The following NAALADL2 variants were observed in gnomAD, a reference collection of about 807,000 sequenced individuals.
The protein encoded by NAALADL2 is N-acetylated alpha-linked acidic dipeptidase like 2.
NAALADL2 carries 76 observed loss-of-function variants against 87.2 expected under a neutral mutation model. That is an observed-to-expected ratio of 0.87 (90% CI 0.72 to 1.05). The LOEUF (loss-of-function observed/expected upper bound fraction) is 1.05, where lower values mean the gene tolerates loss of function less well. NAALADL2 is among the 50% of genes least tolerant of loss of function. NAALADL2 has a pLI of 0.00. For missense variants in NAALADL2, 1,089 were observed against 945.8 expected (o/e 1.15, Z -1.99); for synonymous variants, 354 against 331.0 (o/e 1.07, Z -0.75).
At chr3:175,557,300 T>C (rs1715436075) in intron 9 of NAALADL2, among the ~76,000 whole-genome samples, 1 of 152,218 alleles carries the variant, frequency 6.6e-6, no homozygotes, top group Non-Finnish European at 1.5e-5. Flanking sequence ...ATTTATGGGT[T>C]ACATGAGATA....
intron 5 of NAALADL2, among the ~76,000 whole-genome samples, chr3:175,348,125 C>T (rs1763349065): frequency 6.6e-6 from 1 of 152,116 alleles, no homozygotes; most frequent in Non-Finnish European, 1.5e-5. Context: ...GATCTTGGCT[C>T]ACTGCAACCT....
chr3:175,415,228 ATTAC>A (rs1449906277), intron 5 of NAALADL2, among the ~76,000 whole-genome samples: 1 of 152,178 alleles, frequency 6.6e-6, no homozygotes, highest in African/African-American at 2.4e-5. Context: ...GGTTTTTGTC[ATTAC>A]TTTTGTGGCT....
intron 3 of NAALADL2, among the ~76,000 whole-genome samples, chr3:174,834,407 C>A (rs1465157041): frequency 6.7e-6 from 1 of 150,020 alleles, no homozygotes; most frequent in Non-Finnish European, 1.5e-5. Context: ...GACAAAATGT[C>A]TACTCTCTCA....
chr3:175,037,384 T>C (rs544808816), intron 1 of NAALADL2, among the ~76,000 whole-genome samples: 11 of 151,938 alleles, frequency 7.2e-5, no homozygotes, highest in Non-Finnish European at 1.3e-4. Flanking sequence ...ACCAAAGAGA[T>C]GAGAAATTGC....
intron 6 of NAALADL2, among the ~76,000 whole-genome samples, chr3:175,462,883 A>C (rs768866765): frequency 2.6e-5 from 4 of 152,230 alleles, no homozygotes; most frequent in Non-Finnish European, 5.9e-5. Context: ...GAAAACATGT[A>C]CAGCTTTAAG....
intron 2 of NAALADL2, among the ~76,000 whole-genome samples, chr3:174,712,735 T>A (rs532783550): frequency 9.2e-5 from 14 of 152,206 alleles, no homozygotes; most frequent in African/African-American, 3.4e-4. Context: ...AAGAAGATAT[T>A]CCTTTGATTT....
At position 174,537,664 on chromosome 3, in the gene NAALADL2, C is replaced by A. The variant is rs570027007; in HGVS notation, c.-183-12905C>A. 1.1e-4 allele frequency among the ~76,000 whole-genome samples: 16 copies of A among 152,166 alleles called. No individual in the cohort carries two copies. The East Asian group carries it at 2.9e-3, about 28-fold the overall frequency. On this transcript the variant is annotated intron_variant, in intron 1 of 3. Coordinates refer to the NAALADL2 transcript ENST00000434257. ...AAATGATGTGGGCACCTAAGCCAGG[C>A]TAGGTATGGCTACTCAGGGAGTGAT...
intron 1 of NAALADL2, among the ~76,000 whole-genome samples, chr3:174,540,934 A>G (rs550978085): frequency 3.7e-4 from 57 of 152,244 alleles, no homozygotes; most frequent in Non-Finnish European, 6.5e-4. Context: ...CTGCGCAACT[A>G]TGTACCTTTT....
At chr3:174,885,214 T>G (rs925797647) in intron 1 of NAALADL2, among the ~76,000 whole-genome samples, 2 of 152,188 alleles carry the variant, frequency 1.3e-5, no homozygotes, top group Admixed American at 6.5e-5. Flanking sequence ...AGGCTGTGCA[T>G]GCACCTTTCA....
At chr3:175,579,678 T>G (rs6804866) in intron 10 of NAALADL2, among the ~76,000 whole-genome samples, 43,409 of 152,136 alleles carry the variant, frequency 0.29, 8,880 homozygotes, top group African/African-American at 0.58. Flanking sequence ...GCACCTGTTG[T>G]GAGAAGCATT....
rs541326097 is a variant in NAALADL2, at chr3:175,604,589, G to A, written c.1801-22702G>A. Among the ~76,000 whole-genome samples the A allele has an allele frequency of 9.2e-5, 14 of 152,068 alleles. No individual in the cohort carries two copies. The South Asian group carries it at 2.1e-3, about 23-fold the overall frequency. ...ACAGTGCTGGGATTCCAGGCGTGAGGCACCACGCCCAGCCGAAATTTTTTT... is the reference window on the plus strand; with the variant it reads ...ACAGTGCTGGGATTCCAGGCGTGAGACACCACGCCCAGCCGAAATTTTTTT... On this transcript the variant is annotated intron_variant, in intron 10 of 13. Transcript: ENST00000454872.
rs200426336 is a variant in NAALADL2, at chr3:175,361,588, A to G, written c.1090+37263A>G. Among the ~76,000 whole-genome samples, 9 of 148,036 alleles carry G rather than the reference A, an allele frequency of 6.1e-5. 1 individual carries two copies. Among genetic ancestry groups the G allele is most frequent in the East Asian group, 4.0e-4 (2 of 4,976 alleles). On this transcript the variant is annotated intron_variant, in intron 5 of 13. Transcript: ENST00000454872. Reference sequence around the variant, plus strand: ...CTGGTGTGAGATGGTATCTCATTGTAGTTTTGATTTGCATTTCTCTGATGG... The same window carrying G: ...CTGGTGTGAGATGGTATCTCATTGTGGTTTTGATTTGCATTTCTCTGATGG...
At chr3:175,301,603 G>C (rs1757094915) in intron 4 of NAALADL2, among the ~76,000 whole-genome samples, 1 of 152,064 alleles carries the variant, frequency 6.6e-6, no homozygotes, top group Non-Finnish European at 1.5e-5. Flanking sequence ...AATGAGAATG[G>C]GTGCAGAAGA....
chr3:174,660,204 A>G (rs1725377295), intron 2 of NAALADL2, among the ~76,000 whole-genome samples: 1 of 152,178 alleles, frequency 6.6e-6, no homozygotes, highest in South Asian at 2.1e-4. Flanking sequence ...TAGAAGAAAG[A>G]TTTATTATAA....
chr3:175,783,803 A>C (rs1751506647), intron 13 of NAALADL2, among the ~76,000 whole-genome samples: 1 of 149,732 alleles, frequency 6.7e-6, no homozygotes, highest in Non-Finnish European at 1.5e-5. Flanking sequence ...GAATGCTTCC[A>C]GTTTTTGCCC....
chr3:174,639,738 G>A (rs1722988766), intron 2 of NAALADL2, among the ~76,000 whole-genome samples: 2 of 152,044 alleles, frequency 1.3e-5, no homozygotes, highest in Non-Finnish European at 2.9e-5. Context: ...GTACCTTCTT[G>A]CATATTTTAA....
Position 175,808,658 on chromosome 3 carries a change from C to G in NAALADL2, c.*5455C>G, listed in dbSNP as rs1179123489. 2 of 151,952 alleles carry G rather than the reference C, an allele frequency of 1.3e-5. No homozygotes were observed. Among genetic ancestry groups the G allele is most frequent in the Non-Finnish European group, 2.9e-5 (2 of 67,930 alleles). The allele number at this position is 151,952 out of a possible 1,614,324, so 9.4% of individuals were successfully genotyped here. ...CCAGGGGCTAATTAATATGCACCACCTAAGTCCCCAAAGGATCACACAGGT... is the reference window on the plus strand; with the variant it reads ...CCAGGGGCTAATTAATATGCACCACGTAAGTCCCCAAAGGATCACACAGGT... On this transcript the variant is annotated 3_prime_UTR_variant, in exon 14 of 14. Coordinates refer to ENST00000454872, the MANE Select transcript of NAALADL2 (RefSeq NM_207015.3).
chr3:174,558,354 G>T (rs888044156), intron 2 of NAALADL2, among the ~76,000 whole-genome samples: 3 of 152,012 alleles, frequency 2.0e-5, no homozygotes, highest in Admixed American at 6.6e-5. Flanking sequence ...GGGTACGGGG[G>T]GGATGGTTTT....
At chr3:174,525,074 G>C (rs1056473733) in intron 1 of NAALADL2, among the ~76,000 whole-genome samples, 1 of 152,174 alleles carries the variant, frequency 6.6e-6, no homozygotes, top group Non-Finnish European at 1.5e-5. Context: ...GTACAGTCTA[G>C]ATGTAAATAC....
Sources: allele counts gnomAD v4.1 joint callset (sites outside exome capture counted in the v4.1 genomes callset), GRCh38; gene constraint gnomAD v4.1.1; transcripts MANE v1.5; gene names NCBI Gene and HGNC (gene_info 2026-07-23, HGNC 2026-07-21).